Variants in VDAC3 observed in about 807,000 individuals in gnomAD.
The protein encoded by VDAC3 is voltage dependent anion channel 3.
Under a neutral mutation model 33.9 loss-of-function variants are expected in VDAC3, and 7 were observed. The observed-to-expected ratio is 0.21, with a 90% CI of 0.12 to 0.39. The LOEUF is 0.39. Among genes scored for constraint, VDAC3 ranks in the 10% least tolerant of loss-of-function variants. The pLI is 1.00. For synonymous variants in VDAC3, 100 were observed against 122.4 expected (o/e 0.82, Z 1.21); for missense variants, 261 against 334.5 (o/e 0.78, Z 1.71).
intron 7 of VDAC3, among the ~76,000 whole-genome samples, chr8:42,402,486 C>T (rs551855195): frequency 3.9e-4 from 59 of 152,214 alleles, no homozygotes; most frequent in Non-Finnish European, 4.1e-4. Context: ...ACCCAGGTAC[C>T]GCTAATGCAT....
At position 42,400,673 on chromosome 8, in the gene VDAC3, C is replaced by CTTTT. The variant is rs1188886241; in HGVS notation, c.323+991_323+994dup. 9.9e-3 allele frequency among the ~76,000 whole-genome samples: 718 copies of CTTTT among 72,172 alleles called. 2 individuals are homozygous for CTTTT. Among genetic ancestry groups the CTTTT allele is most frequent in the Middle Eastern group, 0.033 (2 of 60 alleles). 47.3% of individuals were successfully genotyped at this position (72,172 alleles called of 152,430 possible). A position where few individuals can be genotyped will look rare whatever the true frequency, so the allele number is the denominator to read the frequency against. ...TTATCTTTAGGACAAATATTCTTTTCTTTTTTTTTTTTTTTTTTTTTTTTG... is the reference window on the plus strand; with the variant it reads ...TTATCTTTAGGACAAATATTCTTTTCTTTTTTTTTTTTTTTTTTTTTTTTTTTTG... On this transcript the variant is annotated intron_variant, in intron 6 of 9. Transcript: ENST00000022615.
At chr8:42,393,695 G>A in intron 1 of VDAC3, 150 bp from the exon 2 acceptor site, 1 of 384,618 alleles carries the variant, frequency 2.6e-6, no homozygotes, top group East Asian at 3.7e-5. Flanking sequence ...AGCTTTGAGA[G>A]AAGATATATT....
At chr8:42,398,517 T>C (rs948869049) in intron 4 of VDAC3, among the ~76,000 whole-genome samples, 195 bp from the exon 5 acceptor site, 1 of 152,098 alleles carries the variant, frequency 6.6e-6, no homozygotes, top group African/African-American at 2.4e-5. Context: ...CATGAGCCAC[T>C]GCGCCTGGCA....
rs746534792 is a variant in VDAC3 at position 42,405,791 on chromosome 8, A to G, written c.*329A>G. On this transcript the variant is annotated 3_prime_UTR_variant, in exon 10 of 10. Transcript: ENST00000022615. ...TTGTACATCACGTCCTGCATGTCCC[A>G]CACCATTTTTTCATGACCTTGTAAT... 4.5e-5 allele frequency: 10 copies of G among 220,212 alleles called. No individual in the cohort carries two copies. Among genetic ancestry groups the G allele is most frequent in the Non-Finnish European group, 9.0e-5 (10 of 111,370 alleles). 13.6% of individuals were successfully genotyped at this position (220,212 alleles called of 1,614,324 possible). A position where few individuals can be genotyped will look rare whatever the true frequency, so the allele number is the denominator to read the frequency against.
intron 2 of VDAC3, 60 bp from the exon 3 acceptor site, chr8:42,394,150 T>C: frequency 1.4e-6 from 2 of 1,460,614 alleles, no homozygotes; most frequent in Non-Finnish European, 1.9e-6. Flanking sequence ...GCAGAAGAAC[T>C]GTGGGTGAAT....
At chr8:42,394,349 T>G in intron 3 of VDAC3, 71 bp downstream of exon 3, 4 of 1,297,614 alleles carry the variant, frequency 3.1e-6, no homozygotes, top group Non-Finnish European at 3.3e-6. Context: ...GTGTAAATAC[T>G]GTGTTAGTAA....
At chr8:42,393,473 C>T (rs1802245709) in intron 1 of VDAC3, among the ~76,000 whole-genome samples, 1 of 152,180 alleles carries the variant, frequency 6.6e-6, no homozygotes, top group Non-Finnish European at 1.5e-5. Context: ...AGATAATCAG[C>T]AGTGTTGATA....
At chr8:42,402,474 G>A (rs562839788) in intron 7 of VDAC3, among the ~76,000 whole-genome samples, 5 of 152,270 alleles carry the variant, frequency 3.3e-5, no homozygotes, top group African/African-American at 9.6e-5. Context: ...TTCTCGGTTG[G>A]AACCCAGGTA....
At chr8:42,403,495 A>G in intron 8 of VDAC3, 34 bp downstream of exon 8, 2 of 1,520,636 alleles carry the variant, frequency 1.3e-6, no homozygotes, top group South Asian at 2.7e-5. Context: ...ATCTGCTCTT[A>G]TGTTTGTGTC....
At position 42,400,064 on chromosome 8, in the gene VDAC3, G is replaced by A. The variant is rs1051672637; in HGVS notation, c.323+361G>A. 3.3e-5 allele frequency among the ~76,000 whole-genome samples: 5 copies of A among 152,170 alleles called. No homozygotes were observed. The South Asian group carries it at 8.3e-4, about 25-fold the overall frequency. On this transcript the variant is annotated intron_variant, in intron 6 of 9. Transcript: ENST00000022615. ...GAAAGTTAATTCCTTTTGGCTGGGC[G>A]TGGTGGCTCACGCCTGTAATCCTAG...
chr8:42,405,243 T>C (rs1563424090), intron 9 of VDAC3, 128 bp from the exon 10 acceptor site: 2 of 720,022 alleles, frequency 2.8e-6, no homozygotes, highest in Non-Finnish European at 2.3e-6. Context: ...GATTGAGTAA[T>C]AGCTGTTTGC....
At chr8:42,396,753 A>G (rs1802326133) in intron 4 of VDAC3, 3 of 659,136 alleles carry the variant, frequency 4.6e-6, no homozygotes, top group Non-Finnish European at 5.4e-6. Context: ...TTTAGGATAA[A>G]TTTCAATCAT....
At chr8:42,403,201 ATAGT>A in intron 7 of VDAC3, 106 bp from the exon 8 acceptor site, 1 of 1,327,264 alleles carries the variant, frequency 7.5e-7, no homozygotes, top group Non-Finnish European at 1.0e-6. Flanking sequence ...GCTGAAATCT[ATAGT>A]TACAAAATGG....
intron 5 of VDAC3, among the ~76,000 whole-genome samples, chr8:42,399,105 C>T (rs1021949165): frequency 5.3e-5 from 8 of 151,910 alleles, no homozygotes; most frequent in African/African-American, 1.7e-4. Context: ...CTAAGCTTCT[C>T]CTGGGTAGAA....
intron 6 of VDAC3, among the ~76,000 whole-genome samples, chr8:42,400,810 C>T (rs908000829): frequency 6.6e-6 from 1 of 150,728 alleles, no homozygotes; most frequent in African/African-American, 2.4e-5. Context: ...GGACTACAGG[C>T]ATGCACCACC....
intron 4 of VDAC3, 117 bp downstream of exon 4, chr8:42,395,250 T>C: frequency 6.8e-7 from 1 of 1,460,824 alleles, no homozygotes; most frequent in Non-Finnish European, 9.2e-7. Context: ...CACAGCTTTG[T>C]CCTCTCAGAT....
intron 9 of VDAC3, 97 bp from the exon 10 acceptor site, chr8:42,405,274 T>C (rs1802480466): frequency 2.0e-6 from 2 of 1,002,306 alleles, no homozygotes; most frequent in Non-Finnish European, 3.1e-6. Context: ...TATACCCAGC[T>C]ACAATCCACA....
At chr8:42,400,673 CTTTTTTTTTTTTT>C (rs1188886241) in intron 6 of VDAC3, among the ~76,000 whole-genome samples, 3 of 72,320 alleles carry the variant, frequency 4.1e-5, no homozygotes, top group African/African-American at 1.2e-4. Context: ...ATATTCTTTT[CTTTTTTTTTTTTT>C]TTTTTTTTTT....
At chr8:42,396,061 TC>T (rs1236355941) in intron 4 of VDAC3, among the ~76,000 whole-genome samples, 1 of 150,604 alleles carries the variant, frequency 6.6e-6, no homozygotes, top group Non-Finnish European at 1.5e-5. Context: ...ATTGAGACCA[TC>T]CTGGCTAATA....
Sources: gnomAD v4.1 joint callset for allele counts (sites outside exome capture counted in the v4.1 genomes callset) on GRCh38, gnomAD v4.1.1 for gene constraint, MANE v1.5 for transcripts, NCBI Gene and HGNC (gene_info 2026-07-23, HGNC 2026-07-21) for gene names.